The following EPAS1 variants were observed in gnomAD, a reference collection of about 807,000 sequenced individuals.
EPAS1 encodes the protein endothelial PAS domain-containing protein 1.
A neutral mutation model predicts 87.9 loss-of-function variants in EPAS1; 23 were observed. That is an observed-to-expected ratio of 0.26 (90% confidence interval 0.19 to 0.37). The LOEUF (loss-of-function observed/expected upper bound fraction) is 0.37, where lower values mean the gene tolerates loss of function less well. Among genes scored for constraint, EPAS1 ranks in the 10% least tolerant of loss-of-function variants. The pLI, the probability that EPAS1 is intolerant of heterozygous loss-of-function variation, is 1.00. For missense variants in EPAS1, 1,138 were observed against 1,120.7 expected (o/e 1.02, Z -0.22); for synonymous variants, 508 against 444.3 (o/e 1.14, Z -1.80).
chr2:46,340,493 C>G (rs1211228054), intron 1 of EPAS1, among the ~76,000 whole-genome samples: 1 of 152,140 alleles, frequency 6.6e-6, no homozygotes, highest in Non-Finnish European at 1.5e-5. Context: ...CCACTCCAGT[C>G]TCATGTCTTC....
intron 1 of EPAS1, among the ~76,000 whole-genome samples, chr2:46,333,988 A>G (rs1683738450): frequency 6.6e-6 from 1 of 152,062 alleles, no homozygotes; most frequent in Admixed American, 6.5e-5. Flanking sequence ...AACATTTATG[A>G]GTTACTGTTC....
Position 46,300,644 on chromosome 2 carries a change from C to T in EPAS1, c.26+2707C>T, listed in dbSNP as rs1364668336. On this transcript the variant is annotated intron_variant, in intron 1 of 15. Transcript: ENST00000263734. This position sits in a 1 kb window ranked among gnomAD's most constrained non-coding sequence, Gnocchi z 4.1. ...CGCATCTATCAGGAATGCCTGAGTC[C>T]TTTCACTGGGAAAAAAATGTGGAAA... Among the ~76,000 whole-genome samples, 1 of 152,054 alleles carries T rather than the reference C, an allele frequency of 6.6e-6. No homozygotes were observed. The highest frequency in any genetic ancestry group is 1.9e-4 in the East Asian group (1 of 5,190).
rs536517400 is a variant in EPAS1, at chr2:46,346,406, T to A, written c.27-467T>A. On this transcript the variant is annotated intron_variant, in intron 1 of 15. Coordinates refer to ENST00000263734, the MANE Select transcript of EPAS1 (RefSeq NM_001430.5). The surrounding 1 kb of genome is among the most constrained non-coding windows in gnomAD (Gnocchi z 4.0). ...GGGTTCAGTACTACTCTTAATTTTTTCTGATTGTGTCTTATGCAGAAAAAG... is the reference window on the plus strand; with the variant it reads ...GGGTTCAGTACTACTCTTAATTTTTACTGATTGTGTCTTATGCAGAAAAAG... Among the ~76,000 whole-genome samples the A allele has an allele frequency of 5.3e-5, 8 of 152,350 alleles. No individual in the cohort carries two copies. The South Asian group carries it at 1.7e-3, about 32-fold the overall frequency.
At chr2:46,357,637 G>C (rs1684295539) in intron 4 of EPAS1, among the ~76,000 whole-genome samples, 1 of 152,232 alleles carries the variant, frequency 6.6e-6, no homozygotes, top group South Asian at 2.1e-4. Context: ...ACGAAGCCAT[G>C]AGTGTCAAAA....
At chr2:46,334,503 A>G (rs1558591562) in intron 1 of EPAS1, among the ~76,000 whole-genome samples, 1 of 151,862 alleles carries the variant, frequency 6.6e-6, no homozygotes, top group East Asian at 1.9e-4. Flanking sequence ...TTCAAAGCCA[A>G]CCTCCAGCAG....
rs1257458397 is a variant in EPAS1 at position 46,375,485 on chromosome 2, T to C, written c.887-205T>C. ...GCAAGTCATTTCACCTCTTCTCACC[T>C]CTTTTTCCTATATTTAAAATGAAGA... On this transcript the variant is annotated intron_variant, in intron 7 of 15. Transcript: ENST00000263734. This position sits in a 1 kb window ranked among gnomAD's most constrained non-coding sequence, Gnocchi z 4.1. 6.6e-6 allele frequency among the ~76,000 whole-genome samples: 1 copy of C among 152,102 alleles called. No individual in the cohort carries two copies. The highest frequency in any genetic ancestry group is 6.5e-5 in the Admixed American group (1 of 15,282).
At chr2:46,376,886 A>C in intron 9 of EPAS1, 133 bp downstream of exon 9, 1 of 919,890 alleles carries the variant, frequency 1.1e-6, no homozygotes, top group South Asian at 1.4e-5. Context: ...CTTGTTAATC[A>C]CCTGTTAGAG....
chr2:46,358,345 G>T (rs115381842), intron 4 of EPAS1, among the ~76,000 whole-genome samples: 4,190 of 152,290 alleles, frequency 0.028, 203 homozygotes, highest in African/African-American at 0.096. Context: ...GCTGCTCAGT[G>T]TCTTGTCTGG....
chr2:46,365,292 A>G (rs1684477863), intron 6 of EPAS1, among the ~76,000 whole-genome samples: 1 of 152,228 alleles, frequency 6.6e-6, no homozygotes, highest in Non-Finnish European at 1.5e-5. Flanking sequence ...AAAGAGGGTC[A>G]TACAATTTTT....
At chr2:46,298,470 G>T (rs1682931308) in intron 1 of EPAS1, among the ~76,000 whole-genome samples, 1 of 152,220 alleles carries the variant, frequency 6.6e-6, no homozygotes, top group East Asian at 1.9e-4. Flanking sequence ...GAGGAGCCAG[G>T]ACCCTTCAGA....
intron 1 of EPAS1, among the ~76,000 whole-genome samples, chr2:46,301,094 T>C (rs1243863276): frequency 6.6e-6 from 1 of 152,222 alleles, no homozygotes; most frequent in African/African-American, 2.4e-5. Flanking sequence ...TTTTAATTCA[T>C]ACAGTTTTCA....
At chr2:46,354,635 C>A (rs971061295) in intron 2 of EPAS1, among the ~76,000 whole-genome samples, 1 of 151,660 alleles carries the variant, frequency 6.6e-6, no homozygotes, top group Non-Finnish European at 1.5e-5. Flanking sequence ...ACCACCTGTA[C>A]GGCCTGCTGA....
rs1043000957 is a variant in EPAS1 at position 46,386,342 on chromosome 2, G to T, written c.*1682G>T. ...CAAAAACAAAAAATAGCTTTCAAAA[G>T]AAATTTAAGTTCTATGAGAAATTCC... On this transcript the variant is annotated 3_prime_UTR_variant, in exon 16 of 16. Coordinates refer to ENST00000263734, the MANE Select transcript of EPAS1 (RefSeq NM_001430.5). 2 of 152,572 alleles carry T rather than the reference G, an allele frequency of 1.3e-5. No homozygotes were observed. Among genetic ancestry groups the T allele is most frequent in the African/African-American group, 4.8e-5 (2 of 41,442 alleles). 9.5% of individuals were successfully genotyped at this position (152,572 alleles called of 1,614,324 possible).
chr2:46,297,852 CCCACCCG>C lies in EPAS1; in HGVS notation c.-56_-50del, dbSNP rs1169283528. On this transcript the variant is annotated 5_prime_UTR_variant, in exon 1 of 16. Transcript: ENST00000263734. ...GGGGAGCGGACGAGGGCCACAGCCC[CCCACCCG>C]CCAGGGAGCCCAGGTGCTCGGCGTC... is the stretch of plus-strand genomic sequence containing the variant. The C allele has an allele frequency of 2.8e-5, 44 of 1,588,612 alleles. No individual in the cohort carries two copies. The East Asian group carries it at 7.2e-4, about 26-fold the overall frequency.
At chr2:46,338,981 A>G (rs764421056) in intron 1 of EPAS1, among the ~76,000 whole-genome samples, 1 of 152,188 alleles carries the variant, frequency 6.6e-6, no homozygotes, top group Non-Finnish European at 1.5e-5. Context: ...AGCTGGATAC[A>G]TATCTTTTAT....
intron 10 of EPAS1, among the ~76,000 whole-genome samples, chr2:46,378,344 C>A (rs1684804292): frequency 6.6e-6 from 1 of 152,246 alleles, no homozygotes; most frequent in South Asian, 2.1e-4. Context: ...CAGTAACATC[C>A]CGTATGTGGC....
intron 1 of EPAS1, among the ~76,000 whole-genome samples, chr2:46,324,611 A>G (rs934495666): frequency 3.9e-5 from 6 of 152,208 alleles, no homozygotes; most frequent in African/African-American, 9.7e-5. Flanking sequence ...GATATGCCCT[A>G]TAGACTGGGG....
chr2:46,363,791 C>T lies in EPAS1; in HGVS notation c.779+2701C>T, dbSNP rs536802664. ...CACTGCATTTTCAGCAAAATCTTGCCTTTCAAGAAACCTAATTACATGGCC... is the reference window on the plus strand; with the variant it reads ...CACTGCATTTTCAGCAAAATCTTGCTTTTCAAGAAACCTAATTACATGGCC... On this transcript the variant is annotated intron_variant, in intron 6 of 15. Coordinates refer to ENST00000263734, the MANE Select transcript of EPAS1 (RefSeq NM_001430.5). 2.6e-5 allele frequency among the ~76,000 whole-genome samples: 4 copies of T among 152,282 alleles called. No homozygotes were observed. In the East Asian group the frequency reaches 7.7e-4, roughly 29 times the overall value.
At chr2:46,356,572 T>C (rs1003996415) in intron 3 of EPAS1, 152 bp from the exon 4 acceptor site, 7 of 746,444 alleles carry the variant, frequency 9.4e-6, no homozygotes, top group African/African-American at 6.8e-5. Context: ...ATTACATCTT[T>C]CTGTCTGTGG....
Sources: gnomAD v4.1 joint callset for allele counts (sites outside exome capture counted in the v4.1 genomes callset) on GRCh38, gnomAD v4.1.1 for gene constraint, Gnocchi (gnomAD v3.1) non-coding constraint, MANE v1.5 for transcripts, NCBI Gene and HGNC (gene_info 2026-07-23, HGNC 2026-07-21) for gene names.